The following NFS1 variants were observed in gnomAD, a reference collection of about 807,000 sequenced individuals.
NFS1 encodes NFS1 cysteine desulfurase, also known as cysteine desulfurase.
A neutral mutation model predicts 57.3 loss-of-function variants in NFS1; 26 were observed. The observed-to-expected ratio is 0.45, with a 90% CI of 0.33 to 0.63. NFS1 has a LOEUF of 0.63. Among genes scored for constraint, NFS1 ranks in the 20% least tolerant of loss-of-function variants. The pLI, the probability that NFS1 is intolerant of heterozygous loss-of-function variation, is 0.02. For synonymous variants in NFS1, 209 were observed against 216.3 expected, an observed-to-expected ratio of 0.97 and a Z score of 0.30; for missense variants, 505 against 605.8, an observed-to-expected ratio of 0.83 and a Z score of 1.75.
intron 5 of NFS1, among the ~76,000 whole-genome samples, chr20:35,685,261 G>C (rs1433479710): frequency 1.3e-5 from 2 of 151,678 alleles, no homozygotes; most frequent in Admixed American, 6.6e-5. Context: ...TATAGTTCCA[G>C]CTACTCAGGA....
intron 10 of NFS1, 66 bp from the exon 11 acceptor site, chr20:35,673,750 A>G (rs780128949): frequency 3.8e-6 from 5 of 1,329,868 alleles, no homozygotes; most frequent in Non-Finnish European, 5.4e-6. Context: ...ACAAACCCTC[A>G]GTCTTGTTCC....
intron 3 of NFS1, 81 bp downstream of exon 3, chr20:35,697,602 CA>C: frequency 2.3e-6 from 2 of 862,048 alleles, no homozygotes; most frequent in Non-Finnish European, 3.6e-6. Flanking sequence ...TACCTCCATG[CA>C]CACCTACCAA....
At chr20:35,691,975 G>A (rs915715622) in intron 4 of NFS1, among the ~76,000 whole-genome samples, 2 of 151,798 alleles carry the variant, frequency 1.3e-5, no homozygotes, top group Non-Finnish European at 2.9e-5. Context: ...CTAAGGTCGG[G>A]AGTTCAAGAC....
intron 3 of NFS1, among the ~76,000 whole-genome samples, chr20:35,696,893 G>C (rs369474140): frequency 6.6e-6 from 1 of 151,398 alleles, no homozygotes; most frequent in African/African-American, 2.4e-5. Context: ...GATCACCTGA[G>C]GTCGGGAATT....
At chr20:35,681,330 G>GA (rs1273277691) in intron 6 of NFS1, among the ~76,000 whole-genome samples, 1 of 152,222 alleles carries the variant, frequency 6.6e-6, no homozygotes, top group East Asian at 1.9e-4. Context: ...GTTCTAAAAG[G>GA]AAAAAGAGTA....
intron 7 of NFS1, among the ~76,000 whole-genome samples, chr20:35,678,534 A>AAAG: frequency 6.6e-6 from 1 of 151,336 alleles, no homozygotes; most frequent in South Asian, 2.1e-4. Context: ...GTCTCAAAAA[A>AAAG]AAAAAAAAAA....
chr20:35,689,408 A>T (rs2035001615), intron 5 of NFS1, among the ~76,000 whole-genome samples: 1 of 150,744 alleles, frequency 6.6e-6, no homozygotes, highest in African/African-American at 2.4e-5. Context: ...GTGGATCACG[A>T]GGTCAGGAGT....
chr20:35,681,396 C>T (rs548034347), intron 6 of NFS1, among the ~76,000 whole-genome samples: 4 of 152,234 alleles, frequency 2.6e-5, no homozygotes, highest in African/African-American at 9.6e-5. Context: ...AAATTAAAAA[C>T]CATAAAAGGT....
chr20:35,689,114 G>A (rs1259381957), intron 5 of NFS1, among the ~76,000 whole-genome samples: 2 of 152,208 alleles, frequency 1.3e-5, no homozygotes, highest in Non-Finnish European at 2.9e-5. Flanking sequence ...GCTTTGCCAT[G>A]GTGAATGTGA....
chr20:35,678,102 C>G (rs766751975), intron 7 of NFS1, among the ~76,000 whole-genome samples: 3 of 151,916 alleles, frequency 2.0e-5, no homozygotes, highest in Admixed American at 6.6e-5. Context: ...GTATTCCCAG[C>G]ACCTTGGGAG....
intron 8 of NFS1, 139 bp from the exon 9 acceptor site, chr20:35,674,756 T>C: frequency 1.4e-6 from 1 of 729,356 alleles, no homozygotes; most frequent in Non-Finnish European, 2.3e-6. Flanking sequence ...GGGACCACTG[T>C]ATCTCCAGTA....
At chr20:35,679,583 ACAATAAAAGC>A (rs968753281) in intron 7 of NFS1, among the ~76,000 whole-genome samples, 9 of 152,214 alleles carry the variant, frequency 5.9e-5, no homozygotes, top group East Asian at 3.9e-4. Context: ...AGACTTATCT[ACAATAAAAGC>A]CAATAAAAGC....
At position 35,682,842 on chromosome 20, in the gene NFS1, G is replaced by A. The variant is rs188816556; in HGVS notation, c.562-861C>T. 4.1e-3 allele frequency: 636 copies of A among 153,602 alleles called. 1 individual carries two copies. Among genetic ancestry groups the A allele is most frequent in the Non-Finnish European group, 6.9e-3 (483 of 69,566 alleles). The allele number at this position is 153,602 out of a possible 1,614,324, so 9.5% of individuals were successfully genotyped here. A position where few individuals can be genotyped will look rare whatever the true frequency, so the allele number is the denominator to read the frequency against. On this transcript the variant is annotated intron_variant, in intron 5 of 12. Coordinates refer to ENST00000374092, the MANE Select transcript of NFS1 (RefSeq NM_021100.5). ...GCCTGTAATCCCAGCACTTTGGGAGGCTGAGGCAGGCGGATCGCAAGGTCA... is the reference window on the plus strand; with the variant it reads ...GCCTGTAATCCCAGCACTTTGGGAGACTGAGGCAGGCGGATCGCAAGGTCA...
At chr20:35,692,532 A>C (rs955903700) in intron 4 of NFS1, among the ~76,000 whole-genome samples, 5 of 141,226 alleles carry the variant, frequency 3.5e-5, no homozygotes, top group Admixed American at 7.0e-5. Flanking sequence ...TATACTAAAA[A>C]AAAAAAAAAA....
In NFS1 at chr20:35,697,762, G is replaced by C. The variant is rs17855334; in HGVS notation, c.246C>G (p.Ile82Met). Residue 82 changes from isoleucine to methionine, a missense_variant, in exon 3 of 13, where the codon ATC (isoleucine) becomes ATG (methionine). Ile to Met is a conservative substitution (Grantham distance 10, BLOSUM62 1). Coordinates refer to ENST00000374092, the MANE Select transcript of NFS1 (RefSeq NM_021100.5). Reference protein sequence around the residue: ...RVLDAMLPYLINYYGNPHSRT... With the variant: ...RVLDAMLPYLMNYYGNPHSRT... ...GGGAGTGTGGGTTCCCATAGTAGTTGATTAGGTAAGGGAGCATGGCATCAA... is the reference window on the plus strand; with the variant it reads ...GGGAGTGTGGGTTCCCATAGTAGTTCATTAGGTAAGGGAGCATGGCATCAA... 6.2e-7 allele frequency: 1 copy of C among 1,613,858 alleles called. No individual in the cohort carries two copies.
chr20:35,684,186 T>C (rs2034898926), intron 5 of NFS1, among the ~76,000 whole-genome samples: 1 of 151,636 alleles, frequency 6.6e-6, no homozygotes, highest in Admixed American at 6.6e-5. Context: ...GGCGGGCGGA[T>C]CACAAGGTCA....
At chr20:35,690,031 G>A (rs528108330) in intron 5 of NFS1, among the ~76,000 whole-genome samples, 4 of 146,874 alleles carry the variant, frequency 2.7e-5, no homozygotes, top group Non-Finnish European at 6.0e-5. Flanking sequence ...CCCAGGAGGC[G>A]GAGGTTGCAG....
rs965418992 is a variant in NFS1 at position 35,690,563 on chromosome 20, C to T, written c.411G>A (p.Gly137=). Reference sequence around the variant, plus strand: ...TCCGTGACCTGTAGAATCGGGCCACCCCCTAGAAATTGGTGGTGACAGATG... The same window carrying T: ...TCCGTGACCTGTAGAATCGGGCCACTCCCTAGAAATTGGTGGTGACAGATG... ...ATESNNIAIK[G]VARFYRSRKK... Residue 137 remains glycine, a splice_region_variant and synonymous_variant, in exon 5 of 13, where the codon GGG becomes GGA. Transcript: ENST00000374092. 1 of 1,613,770 alleles carries T rather than the reference C, an allele frequency of 6.2e-7. No individual in the cohort carries two copies. Among genetic ancestry groups the T allele is most frequent in the East Asian group, 2.2e-5 (1 of 44,868 alleles).
At chr20:35,676,675 G>A (rs972526847) in intron 7 of NFS1, among the ~76,000 whole-genome samples, 5 of 143,960 alleles carry the variant, frequency 3.5e-5, no homozygotes, top group African/African-American at 1.3e-4. Context: ...AAAGCTGGAG[G>A]AGAAGTATAT....
Sources: allele counts gnomAD v4.1 joint callset (sites outside exome capture counted in the v4.1 genomes callset), GRCh38; gene constraint gnomAD v4.1.1; transcripts MANE v1.5; gene names NCBI Gene and HGNC (gene_info 2026-07-23, HGNC 2026-07-21).